CEP170: variants seen among roughly 807,000 people sequenced by gnomAD.
CEP170 encodes the protein centrosomal protein 170, also known as centrosomal protein of 170 kDa.
Under a neutral mutation model 151.9 loss-of-function variants are expected in CEP170, and 21 were observed. That is an observed-to-expected ratio of 0.14 (90% confidence interval 0.10 to 0.20). CEP170 has a LOEUF of 0.20. Ranked by LOEUF, CEP170 falls within the 10% of genes least tolerant of loss-of-function variation. CEP170 has a pLI of 1.00. For missense variants in CEP170, 964 were observed against 1,892.9 expected (o/e 0.51, Z 9.11); for synonymous variants, 356 against 648.8 (o/e 0.55, Z 6.86).
chr1:243,203,529 C>T (rs2061199756), intron 4 of CEP170, among the ~76,000 whole-genome samples: 1 of 151,946 alleles, frequency 6.6e-6, no homozygotes, highest in Non-Finnish European at 1.5e-5. Flanking sequence ...TTAGTTATTC[C>T]AAGGGGTATG....
At chr1:243,197,259 T>C (rs1380988504) in intron 7 of CEP170, among the ~76,000 whole-genome samples, 2 of 152,052 alleles carry the variant, frequency 1.3e-5, no homozygotes, top group Non-Finnish European at 2.9e-5. Flanking sequence ...AATTTACAAA[T>C]AAAGCAGACA....
chr1:243,192,346 G>C (rs2060356530), intron 7 of CEP170, among the ~76,000 whole-genome samples: 1 of 152,042 alleles, frequency 6.6e-6, no homozygotes, highest in Non-Finnish European at 1.5e-5. Context: ...CTATTCTTCT[G>C]TTGCCTCAGA....
At chr1:243,148,924 T>C (rs902307995) in intron 14 of CEP170, among the ~76,000 whole-genome samples, 1 of 151,872 alleles carries the variant, frequency 6.6e-6, no homozygotes, top group African/African-American at 2.4e-5. Context: ...TGGGAAAGAG[T>C]TACACTGAGC....
At chr1:243,187,938 C>T (rs530645832) in intron 8 of CEP170, among the ~76,000 whole-genome samples, 13 of 152,160 alleles carry the variant, frequency 8.5e-5, no homozygotes, top group South Asian at 2.1e-4. Flanking sequence ...GTGATTAATA[C>T]TATAAAAATC....
chr1:243,237,998 G>A (rs1360968757), intron 1 of CEP170, among the ~76,000 whole-genome samples: 1 of 152,192 alleles, frequency 6.6e-6, no homozygotes, highest in Non-Finnish European at 1.5e-5. Context: ...AATATTCATT[G>A]TATTGGCAAG....
chr1:243,152,785 C>T (rs904441401), intron 14 of CEP170, among the ~76,000 whole-genome samples: 2 of 152,084 alleles, frequency 1.3e-5, no homozygotes, highest in African/African-American at 2.4e-5. Flanking sequence ...CCTGCCTCGG[C>T]CTCCCAAAGT....
At chr1:243,179,106 TC>T (rs1558516610) in intron 10 of CEP170, among the ~76,000 whole-genome samples, 1 of 152,210 alleles carries the variant, frequency 6.6e-6, no homozygotes, top group Non-Finnish European at 1.5e-5. Context: ...TCCTTGATTC[TC>T]CCCATTACTT....
chr1:243,185,738 C>G lies in CEP170; in HGVS notation c.1566+41G>C. On this transcript the variant is annotated intron_variant, in intron 10 of 19. Transcript: ENST00000366542. The surrounding 1 kb of genome is among the most constrained non-coding windows in gnomAD (Gnocchi z 4.9). Reference sequence around the variant, plus strand: ...AATAATTTCCACCAGTCAAATACACCACACAACAACTAAGATCACACTCAA... The same window carrying G: ...AATAATTTCCACCAGTCAAATACACGACACAACAACTAAGATCACACTCAA... 6.5e-7 allele frequency: 1 copy of G among 1,542,840 alleles called. No homozygotes were observed. Among genetic ancestry groups the G allele is most frequent in the African/African-American group, 1.4e-5 (1 of 72,188 alleles).
chr1:243,139,887 T>A (rs2055619610), intron 16 of CEP170, 50 bp downstream of exon 16: 1 of 1,578,486 alleles, frequency 6.3e-7, no homozygotes, highest in African/African-American at 1.4e-5. Flanking sequence ...CTTTTCTTAC[T>A]TATGGAATAT....
intron 1 of CEP170, among the ~76,000 whole-genome samples, chr1:243,239,562 G>T (rs993153946): frequency 6.6e-6 from 1 of 152,092 alleles, no homozygotes; most frequent in Non-Finnish European, 1.5e-5. Context: ...TGAGTAAAAA[G>T]CCCTGTTATC....
At chr1:243,221,007 C>T (rs1478360845) in intron 3 of CEP170, among the ~76,000 whole-genome samples, 1 of 151,938 alleles carries the variant, frequency 6.6e-6, no homozygotes, top group Non-Finnish European at 1.5e-5. Flanking sequence ...CTCTCTGGCA[C>T]CTTTCCATCT....
chr1:243,211,596 T>C lies in CEP170; in HGVS notation c.274+290A>G, dbSNP rs549856161. ...CCTGTCCTCTCCCCAGTTACATTCT[T>C]TGATGCTCAAATTATATATGCAATA... On this transcript the variant is annotated intron_variant, in intron 4 of 19. Transcript: ENST00000366542. The C allele has an allele frequency of 3.5e-3, 934 of 265,446 alleles. 10 individuals carry two copies. The highest frequency in any genetic ancestry group is 0.023 in the Admixed American group (430 of 18,436). The allele number at this position is 265,446 out of a possible 1,614,324, so 16.4% of individuals were successfully genotyped here. A position where few individuals can be genotyped will look rare whatever the true frequency, so the allele number is the denominator to read the frequency against.
chr1:243,248,961 T>TA (rs2065678418), intron 1 of CEP170, among the ~76,000 whole-genome samples: 1 of 152,184 alleles, frequency 6.6e-6, no homozygotes, highest in Non-Finnish European at 1.5e-5. Context: ...CTCAGATACC[T>TA]ACAAGATGCT....
intron 14 of CEP170, among the ~76,000 whole-genome samples, chr1:243,151,975 C>T (rs2148420048): frequency 6.6e-6 from 1 of 152,200 alleles, no homozygotes; most frequent in Non-Finnish European, 1.5e-5. Flanking sequence ...ATCTACTCTG[C>T]TTGTGCTCTA....
At chr1:243,251,300 T>C (rs368461552) in intron 1 of CEP170, among the ~76,000 whole-genome samples, 18 of 152,314 alleles carry the variant, frequency 1.2e-4, no homozygotes, top group African/African-American at 4.3e-4. Context: ...AAAGTTCCCT[T>C]GAATTCTAAA....
intron 8 of CEP170, among the ~76,000 whole-genome samples, chr1:243,188,430 T>C (rs2060070696): frequency 6.6e-6 from 1 of 152,202 alleles, no homozygotes; most frequent in Admixed American, 6.5e-5. Flanking sequence ...CCATTCCCTC[T>C]TGTATTTTGT....
chr1:243,192,817 C>T (rs1460182100), intron 7 of CEP170, among the ~76,000 whole-genome samples: 2 of 152,144 alleles, frequency 1.3e-5, no homozygotes, highest in East Asian at 3.8e-4. Flanking sequence ...ATAGTAACAT[C>T]TCTCTTTCAT....
At chr1:243,181,432 T>G (rs1302269903) in intron 10 of CEP170, among the ~76,000 whole-genome samples, 1 of 152,170 alleles carries the variant, frequency 6.6e-6, no homozygotes, top group Admixed American at 6.5e-5. Flanking sequence ...GGTGATCTAT[T>G]GAGAGAGACA....
At chr1:243,241,063 TTAA>T (rs1201900154) in intron 1 of CEP170, among the ~76,000 whole-genome samples, 1 of 152,238 alleles carries the variant, frequency 6.6e-6, no homozygotes, top group Non-Finnish European at 1.5e-5. Context: ...GTTCAAAGTT[TTAA>T]TAATATCTAA....
Sources: gnomAD v4.1 joint callset for allele counts (sites outside exome capture counted in the v4.1 genomes callset) on GRCh38, gnomAD v4.1.1 for gene constraint, Gnocchi (gnomAD v3.1) non-coding constraint, MANE v1.5 for transcripts, NCBI Gene and HGNC (gene_info 2026-07-23, HGNC 2026-07-21) for gene names.